The following RD3 variants were observed in gnomAD, a reference collection of about 807,000 sequenced individuals.
RD3 encodes the protein protein RD3.
Under a neutral mutation model 16.9 loss-of-function variants are expected in RD3, and 11 were observed. The ratio of observed to expected loss-of-function variants is 0.65; its 90% CI spans 0.41 to 1.08. RD3 has a LOEUF of 1.08. RD3 is among the 50% of genes least tolerant of loss of function. RD3 has a pLI of 0.00. For synonymous variants in RD3, 116 were observed against 114.8 expected (o/e 1.01, Z -0.07); for missense variants, 274 against 267.4 (o/e 1.02, Z -0.17).
At chr1:211,487,672 T>A (rs568132732) in intron 1 of RD3, among the ~76,000 whole-genome samples, 1 of 152,366 alleles carries the variant, frequency 6.6e-6, no homozygotes, top group East Asian at 1.9e-4. Context: ...TCGGGACCCC[T>A]GCCTGCAGTC....
rs1705181789 is a variant in RD3, at chr1:211,478,165, T to A, written c.*871A>T. 4 of 398,554 alleles carry A rather than the reference T, an allele frequency of 1.0e-5. No homozygotes were observed. The highest frequency in any genetic ancestry group is 1.8e-5 in the Non-Finnish European group (4 of 226,122). 24.7% of individuals were successfully genotyped at this position (398,554 alleles called of 1,614,324 possible). On this transcript the variant is annotated 3_prime_UTR_variant, in exon 3 of 3. Coordinates refer to ENST00000680073, the MANE Select transcript of RD3 (RefSeq NM_001164688.2). ...CATCTGAAGTCCTTGGAGCTGAGCC[T>A]CTGGAAGAAGCTGTTAGGGACTGGC...
Position 211,478,100 on chromosome 1 carries a change from C to A in RD3, c.*936G>T. On this transcript the variant is annotated 3_prime_UTR_variant, in exon 3 of 3. Coordinates refer to ENST00000680073, the MANE Select transcript of RD3 (RefSeq NM_001164688.2). ...AGCAGGTGTGACCAGCTGCAGAAAG[C>A]GGAACCCTGGAATTGAGAAACCTGG... The A allele has an allele frequency of 2.5e-6, 1 of 398,710 alleles. No homozygotes were observed. The highest frequency in any genetic ancestry group is 4.4e-6 in the Non-Finnish European group (1 of 226,130). 24.7% of individuals were successfully genotyped at this position (398,710 alleles called of 1,614,324 possible).
At chr1:211,485,938 G>A (rs528541953) in intron 1 of RD3, among the ~76,000 whole-genome samples, 1 of 152,052 alleles carries the variant, frequency 6.6e-6, no homozygotes, top group South Asian at 2.1e-4. Flanking sequence ...TCAGGAGTTC[G>A]AGACCAGCCT....
At chr1:211,480,659 C>A (rs1187522177) in intron 2 of RD3, among the ~76,000 whole-genome samples, 1 of 89,044 alleles carries the variant, frequency 1.1e-5, no homozygotes, top group Non-Finnish European at 2.8e-5. Context: ...CCTACACACA[C>A]ACACACACAC....
chr1:211,483,278 AT>A (rs1359000379), intron 1 of RD3, among the ~76,000 whole-genome samples: 1 of 151,876 alleles, frequency 6.6e-6, no homozygotes. Flanking sequence ...CCTGGCCAAC[AT>A]GGTGAAACCC....
At chr1:211,483,454 CAAA>C (rs879727673) in intron 1 of RD3, among the ~76,000 whole-genome samples, 10 of 104,154 alleles carry the variant, frequency 9.6e-5, no homozygotes, top group African/African-American at 1.1e-4. Flanking sequence ...GACTCCAACT[CAAA>C]AAAAAAAAAA....
intron 1 of RD3, among the ~76,000 whole-genome samples, chr1:211,491,321 G>A (rs181248867): frequency 2.6e-5 from 4 of 152,304 alleles, no homozygotes; most frequent in Admixed American, 1.3e-4. Context: ...TCTGTGCCTT[G>A]GACTTAGTAG....
chr1:211,480,254 T>C (rs1705234629), intron 2 of RD3, among the ~76,000 whole-genome samples: 1 of 151,862 alleles, frequency 6.6e-6, no homozygotes, highest in Non-Finnish European at 1.5e-5. Flanking sequence ...GGAGGGATGG[T>C]AAAAGCTCTG....
rs756977728 is a variant in RD3, at chr1:211,479,018, G to T, written c.*18C>A. ...CCCCTGCAGAAGGCTCCGCTTCTGG[G>T]CAGGGAAGCGGCCGGGGTCAGTCGG... On this transcript the variant is annotated 3_prime_UTR_variant, in exon 3 of 3. Coordinates refer to ENST00000680073, the MANE Select transcript of RD3 (RefSeq NM_001164688.2). The T allele has an allele frequency of 6.3e-7, 1 of 1,587,212 alleles. No individual in the cohort carries two copies. Among genetic ancestry groups the T allele is most frequent in the South Asian group, 1.1e-5 (1 of 89,692 alleles).
intron 1 of RD3, among the ~76,000 whole-genome samples, chr1:211,486,727 C>T (rs369408726): frequency 6.0e-5 from 9 of 150,674 alleles, no homozygotes; most frequent in Admixed American, 1.3e-4. Context: ...CCTGTAATCC[C>T]GGCTACTTGG....
chr1:211,488,925 A>T (rs1216089114), intron 1 of RD3, among the ~76,000 whole-genome samples: 1 of 151,594 alleles, frequency 6.6e-6, no homozygotes, highest in Non-Finnish European at 1.5e-5. Context: ...CTGCACCCCC[A>T]CTCCGCCTCT....
intron 1 of RD3, among the ~76,000 whole-genome samples, chr1:211,489,162 T>C (rs1176714810): frequency 2.0e-5 from 3 of 152,252 alleles, no homozygotes; most frequent in Non-Finnish European, 4.4e-5. Flanking sequence ...TCTTTGTAAA[T>C]GTTTTATTTT....
intron 2 of RD3, among the ~76,000 whole-genome samples, chr1:211,479,974 A>G (rs1412957871): frequency 6.6e-6 from 1 of 152,170 alleles, no homozygotes; most frequent in East Asian, 1.9e-4. Context: ...TCTATTTAAT[A>G]CCAGGTTTCC....
rs1176710793 is a variant in RD3, at chr1:211,478,966, G to A, written c.*70C>T. ...CCTAGGTGGGGAGGTTCCAGGGCCCGGCGCTCCGGTCACCGGCCTATCATT... is the reference window on the plus strand; with the variant it reads ...CCTAGGTGGGGAGGTTCCAGGGCCCAGCGCTCCGGTCACCGGCCTATCATT... On this transcript the variant is annotated 3_prime_UTR_variant, in exon 3 of 3. Transcript: ENST00000680073. 2 of 1,395,432 alleles carry A rather than the reference G, an allele frequency of 1.4e-6. No homozygotes were observed. Among genetic ancestry groups the A allele is most frequent in the African/African-American group, 1.4e-5 (1 of 69,498 alleles). The allele number at this position is 1,395,432 out of a possible 1,614,324, so 86.4% of individuals were successfully genotyped here.
Position 211,477,747 on chromosome 1 carries a change from T to G in RD3, c.*1289A>C. On this transcript the variant is annotated 3_prime_UTR_variant, in exon 3 of 3. Transcript: ENST00000680073. ...AATACACACTTTTCCCCCCTGTTGA[T>G]TATATCTCCTCCGGGTATTTTATTT... 4.9e-6 allele frequency: 1 copy of G among 205,684 alleles called. No homozygotes were observed. 12.7% of individuals were successfully genotyped at this position (205,684 alleles called of 1,614,324 possible). A position where few individuals can be genotyped will look rare whatever the true frequency, so the allele number is the denominator to read the frequency against.
chr1:211,489,985 C>A (rs1558182635), intron 1 of RD3, among the ~76,000 whole-genome samples: 4 of 152,194 alleles, frequency 2.6e-5, no homozygotes, highest in Non-Finnish European at 2.9e-5. Context: ...ACCCCTTCCA[C>A]CCCCACACTC....
Position 211,478,627 on chromosome 1 carries a change from A to G in RD3, c.*409T>C, listed in dbSNP as rs1210569748. 1.4e-5 allele frequency: 3 copies of G among 220,782 alleles called. No individual in the cohort carries two copies. The highest frequency in any genetic ancestry group is 2.6e-5 in the Non-Finnish European group (3 of 113,412). 13.7% of individuals were successfully genotyped at this position (220,782 alleles called of 1,614,324 possible). A position where few individuals can be genotyped will look rare whatever the true frequency, so the allele number is the denominator to read the frequency against. On this transcript the variant is annotated 3_prime_UTR_variant, in exon 3 of 3. Transcript: ENST00000680073. The stretch of plus-strand genomic sequence containing the variant: ...GCCAACAGGTCCCTTCTCATTGGGG[A>G]TGGGGGTAGGGGGGTGAATGGGACA...
Position 211,479,306 on chromosome 1 carries a change from C to T in RD3, c.318G>A (p.Glu106=), listed in dbSNP as rs372509543. 139 of 1,603,800 alleles carry T rather than the reference C, an allele frequency of 8.7e-5. No individual in the cohort carries two copies. The highest frequency in any genetic ancestry group is 8.5e-5 in the Admixed American group (5 of 59,116). Residue 106 remains glutamate, a synonymous_variant, in exon 3 of 3, where the codon GAG becomes GAA. Transcript: ENST00000680073. ...ACACCTCCTGCACCTCGGGCTCCTGCTCCGCCAGCAGCTGCCGGAACCTGG... is the reference window on the plus strand; with the variant it reads ...ACACCTCCTGCACCTCGGGCTCCTGTTCCGCCAGCAGCTGCCGGAACCTGG... ...AILRFRQLLA[E]QEPEVQEVSQ...
Position 211,478,385 on chromosome 1 carries a change from C to G in RD3, c.*651G>C, listed in dbSNP as rs1245500692. 5 of 391,614 alleles carry G rather than the reference C, an allele frequency of 1.3e-5. No individual in the cohort carries two copies. Among genetic ancestry groups the G allele is most frequent in the Non-Finnish European group, 2.2e-5 (5 of 222,410 alleles). The allele number at this position is 391,614 out of a possible 1,614,324, so 24.3% of individuals were successfully genotyped here. On this transcript the variant is annotated 3_prime_UTR_variant, in exon 3 of 3. Transcript: ENST00000680073. ...AGGATTCCAAACTCAGGAACAGACA[C>G]TATTCATGCAGGAACAATCTCACTG...
Sources: gnomAD v4.1 joint callset for allele counts (sites outside exome capture counted in the v4.1 genomes callset) on GRCh38, gnomAD v4.1.1 for gene constraint, MANE v1.5 for transcripts, NCBI Gene and HGNC (gene_info 2026-07-23, HGNC 2026-07-21) for gene names.